The following UBE3C variants were observed in gnomAD, a reference collection of about 807,000 sequenced individuals.
UBE3C encodes ubiquitin-protein ligase E3C.
A neutral mutation model predicts 129.4 loss-of-function variants in UBE3C; 42 were observed. The observed-to-expected ratio is 0.32, with a 90% CI of 0.25 to 0.42. The LOEUF (loss-of-function observed/expected upper bound fraction) is 0.42. Among genes scored for constraint, UBE3C ranks in the 10% least tolerant of loss-of-function variants. UBE3C has a pLI of 1.00. For synonymous variants in UBE3C, 510 were observed against 492.4 expected (o/e 1.04, Z -0.47); for missense variants, 1,049 against 1,319.1 (o/e 0.80, Z 3.17).
chr7:157,242,166 G>A (rs1030815965), intron 18 of UBE3C, among the ~76,000 whole-genome samples: 11 of 152,282 alleles, frequency 7.2e-5, no homozygotes, highest in African/African-American at 2.4e-4. Context: ...GGAATCGTGC[G>A]GTAGGTAACG....
intron 4 of UBE3C, among the ~76,000 whole-genome samples, chr7:157,172,901 A>G (rs1244396694): frequency 6.6e-6 from 1 of 152,160 alleles, no homozygotes; most frequent in East Asian, 1.9e-4. Context: ...AATCTTAGTC[A>G]TCAGTCACGA....
rs774191811 is a variant in UBE3C, at chr7:157,225,432, A to G, written c.2126A>G (p.Asp709Gly). ...VKIFQRLIYA[D>G]KQEVQGDGPF... ...ATCTTTCAGAGGTTGATTTATGCAG[A>G]TAAGCAAGAAGTTCAAGGAGATGGT... is the stretch of plus-strand genomic sequence containing the variant. Residue 709 changes from aspartate to glycine, a missense_variant, in exon 17 of 23, where the codon GAT (aspartate) becomes GGT (glycine). Transcript: ENST00000348165. 3.7e-6 allele frequency: 6 copies of G among 1,606,232 alleles called. No homozygotes were observed. The highest frequency in any genetic ancestry group is 1.1e-5 in the South Asian group (1 of 89,118).
In UBE3C at chr7:157,225,176, A is replaced by T. The variant is rs142728414; in HGVS notation, c.2101-231A>T. On this transcript the variant is annotated intron_variant, in intron 16 of 22. Transcript: ENST00000348165. ...AGCCAATGTGCCTGGCCGGATTTTT[A>T]AAATTTATTTTAAACTGGGCAAAGG... 8.9e-3 allele frequency among the ~76,000 whole-genome samples: 1,357 copies of T among 152,272 alleles called. 31 individuals are homozygous for T. The highest frequency in any genetic ancestry group is 0.04 in the South Asian group (192 of 4,828).
Position 157,183,967 on chromosome 7 carries a change from T to C in UBE3C, c.1081T>C (p.Cys361Arg), listed in dbSNP as rs780696191. ...ACCAGTCTCTCCTGCCAGCGCGAGC[T>C]GTCACGACTCAGCCAGTGACTCTGA... ...QLPVSPASASCHDSASDSEEE... is the reference protein window; with the variant it reads ...QLPVSPASASRHDSASDSEEE... The change falls in exon 9 of 23, where the codon TGT becomes CGT. Residue 361 changes from cysteine to arginine, a missense_variant. Physicochemically the swap from Cys to Arg is radical, Grantham distance 180. This residue lies in a region of UBE3C where 489 missense variants were observed against 513.8 expected (regional missense o/e 0.95). Transcript: ENST00000348165. 1 of 1,614,208 alleles carries C rather than the reference T, an allele frequency of 6.2e-7. No individual in the cohort carries two copies. Among genetic ancestry groups the C allele is most frequent in the Non-Finnish European group, 8.5e-7 (1 of 1,180,038 alleles).
At chr7:157,197,732 C>G in intron 10 of UBE3C, 1 of 1,610,792 alleles carries the variant, frequency 6.2e-7, no homozygotes, top group Non-Finnish European at 8.5e-7. Flanking sequence ...CAGGACAAGA[C>G]TGTACAATAA....
intron 1 of UBE3C, among the ~76,000 whole-genome samples, chr7:157,154,119 C>T (rs7784158): frequency 0.27 from 41,503 of 151,868 alleles, 8,000 homozygotes; most frequent in African/African-American, 0.56. Context: ...GTCAGGAGTT[C>T]AGACCAGTCT....
chr7:157,194,240 C>T (rs1809055122), intron 10 of UBE3C, among the ~76,000 whole-genome samples: 1 of 152,156 alleles, frequency 6.6e-6, no homozygotes, highest in African/African-American at 2.4e-5. Flanking sequence ...TTGGGCTTGT[C>T]TTGAGAAGAA....
At chr7:157,174,834 C>T in intron 4 of UBE3C, 85 bp from the exon 5 acceptor site, 1 of 977,828 alleles carries the variant, frequency 1.0e-6, no homozygotes, top group Non-Finnish European at 1.5e-6. Flanking sequence ...TGCATTGCCA[C>T]TAAAGGAAAT....
rs182158631 is a variant in UBE3C, at chr7:157,232,703, A to C, written c.2481+1376A>C. 3.0e-3 allele frequency among the ~76,000 whole-genome samples: 452 copies of C among 152,318 alleles called. 4 individuals are homozygous for C. Among genetic ancestry groups the C allele is most frequent in the Non-Finnish European group, 4.6e-3 (315 of 68,026 alleles). On this transcript the variant is annotated intron_variant, in intron 18 of 22. Coordinates refer to ENST00000348165, the MANE Select transcript of UBE3C (RefSeq NM_014671.3). ...GAAATTAATGTTGCTATTGTGATTAATTTCTGTAAGAATCAGAGCTATAAT... is the reference window on the plus strand; with the variant it reads ...GAAATTAATGTTGCTATTGTGATTACTTTCTGTAAGAATCAGAGCTATAAT...
rs188814821 is a variant in UBE3C at position 157,213,178 on chromosome 7, A to G, written c.1810-3689A>G. ...TGAGAGGAGGCACAAGAGTTAACAC[A>G]TCAGATGGACATAATGCTATTGTAT... On this transcript the variant is annotated intron_variant, in intron 13 of 22. Transcript: ENST00000348165. Among the ~76,000 whole-genome samples the G allele has an allele frequency of 1.9e-3, 286 of 152,396 alleles. 1 individual carries two copies. Among genetic ancestry groups the G allele is most frequent in the African/African-American group, 6.6e-3 (274 of 41,602 alleles).
chr7:157,182,434 C>T, intron 8 of UBE3C, 106 bp downstream of exon 8: 19 of 1,143,498 alleles, frequency 1.7e-5, no homozygotes, highest in Non-Finnish European at 2.2e-5. Flanking sequence ...AGGTGGGCCT[C>T]TCCTGGAGGA....
intron 10 of UBE3C, among the ~76,000 whole-genome samples, chr7:157,191,847 A>G (rs1236317996): frequency 6.6e-6 from 1 of 152,208 alleles, no homozygotes. Context: ...ATATTTTGGA[A>G]AAAATATTGA....
At chr7:157,250,843 GGTGA>G (rs935116126) in intron 19 of UBE3C, among the ~76,000 whole-genome samples, 6 of 152,136 alleles carry the variant, frequency 3.9e-5, no homozygotes, top group Non-Finnish European at 8.8e-5. Flanking sequence ...GCCTTCGGAC[GGTGA>G]GTGTTGTGGT....
chr7:157,230,451 C>T (rs1006154603), intron 17 of UBE3C, among the ~76,000 whole-genome samples: 12 of 150,718 alleles, frequency 8.0e-5, no homozygotes, highest in Admixed American at 6.6e-4. Flanking sequence ...AATCCCAGCA[C>T]TTTGGGAAGC....
intron 13 of UBE3C, among the ~76,000 whole-genome samples, chr7:157,216,102 C>T (rs1258454443): frequency 2.0e-5 from 3 of 152,142 alleles, no homozygotes; most frequent in Admixed American, 6.5e-5. Context: ...AGATCAGACT[C>T]GATTTTTCTG....
intron 18 of UBE3C, 141 bp downstream of exon 18, chr7:157,231,468 G>C: frequency 7.8e-7 from 1 of 1,286,208 alleles, no homozygotes; most frequent in Non-Finnish European, 1.1e-6. Context: ...AGCACTGCAC[G>C]AAACAAATTT....
At position 157,248,336 on chromosome 7, in the gene UBE3C, G is replaced by T. The variant is rs377067062; in HGVS notation, c.2482-32G>T. On this transcript the variant is annotated intron_variant, in intron 18 of 22. Coordinates refer to ENST00000348165, the MANE Select transcript of UBE3C (RefSeq NM_014671.3). ...TTGTTTGTAGAAGGCTTGTATATTC[G>T]ATGCTAACGTTGTCACTGTTCTCTT... 4.2e-5 allele frequency: 67 copies of T among 1,586,394 alleles called. 1 individual carries two copies. The African/African-American group carries it at 8.4e-4, about 20-fold the overall frequency.
intron 18 of UBE3C, among the ~76,000 whole-genome samples, chr7:157,241,659 G>A (rs1280707321): frequency 1.3e-5 from 2 of 152,180 alleles, no homozygotes; most frequent in Non-Finnish European, 2.9e-5. Context: ...TTCCTCAAAA[G>A]GTTAATTACC....
At chr7:157,217,837 C>CA (rs973169565) in intron 14 of UBE3C, among the ~76,000 whole-genome samples, 1 of 151,368 alleles carries the variant, frequency 6.6e-6, no homozygotes, top group African/African-American at 2.4e-5. Context: ...AATTCCGTCT[C>CA]AAAAAAAGAA....
Sources: gnomAD v4.1 joint callset for allele counts (sites outside exome capture counted in the v4.1 genomes callset) on GRCh38, gnomAD v4.1.1 for gene constraint, gnomAD v4.1.1 regional missense constraint, MANE v1.5 for transcripts, NCBI Gene and HGNC (gene_info 2026-07-23, HGNC 2026-07-21) for gene names.